The following ATG3 variants were observed in gnomAD, a reference collection of about 807,000 sequenced individuals.
The protein encoded by ATG3 is ubiquitin-like-conjugating enzyme ATG3.
Under a neutral mutation model 50.7 loss-of-function variants are expected in ATG3, and 25 were observed. The observed-to-expected ratio is 0.49, with a 90% CI of 0.36 to 0.69. ATG3 has a LOEUF of 0.69. Ranked by LOEUF, ATG3 falls within the 30% of genes least tolerant of loss-of-function variation. The pLI is 0.00. For synonymous variants in ATG3, 119 were observed against 125.5 expected, an observed-to-expected ratio of 0.95 and a Z score of 0.34; for missense variants, 281 against 376.0, an observed-to-expected ratio of 0.75 and a Z score of 2.09.
intron 5 of ATG3, among the ~76,000 whole-genome samples, chr3:112,547,714 A>G (rs2107380540): frequency 6.6e-6 from 1 of 152,368 alleles, no homozygotes; most frequent in East Asian, 1.9e-4. Context: ...TTACTGAACA[A>G]CTTCTACATC....
intron 1 of ATG3, 99 bp from the exon 2 acceptor site, chr3:112,558,516 A>G: frequency 1.1e-6 from 1 of 914,610 alleles, no homozygotes; most frequent in South Asian, 1.4e-5. Flanking sequence ...TCTAGGCAAT[A>G]GAGCACATAC....
At position 112,533,701 on chromosome 3, in the gene ATG3, C is replaced by A. The variant is rs1318515668; in HGVS notation, c.863+568G>T. ...GCTATGAGTACATGTACTTTAGGAT[C>A]CAACAGTTTGCTTGGGCATTAACTT... is the stretch of plus-strand genomic sequence containing the variant. On this transcript the variant is annotated intron_variant, in intron 11 of 11. Coordinates refer to ENST00000283290, the MANE Select transcript of ATG3 (RefSeq NM_022488.5). 3.3e-5 allele frequency: 33 copies of A among 985,162 alleles called. No individual in the cohort carries two copies. In the Admixed American group the frequency reaches 4.3e-4, roughly 13 times the overall value. The allele number at this position is 985,162 out of a possible 1,614,324, so 61.0% of individuals were successfully genotyped here.
At position 112,561,724 on chromosome 3, in the gene ATG3, G is replaced by A. The variant is rs1933896289; in HGVS notation, c.-196C>T. 1.7e-6 allele frequency: 1 copy of A among 588,084 alleles called. No individual in the cohort carries two copies. The highest frequency in any genetic ancestry group is 2.9e-6 in the Non-Finnish European group (1 of 345,664). 36.4% of individuals were successfully genotyped at this position (588,084 alleles called of 1,614,324 possible). ...GGCGGCAGGCACAGCGCGCGAAGAC[G>A]GGGTGCGCGATCCTCGCACCCCAGG... On this transcript the variant is annotated 5_prime_UTR_variant, in exon 1 of 12. Coordinates refer to ENST00000283290, the MANE Select transcript of ATG3 (RefSeq NM_022488.5).
At chr3:112,535,323 A>T (rs1471531651) in intron 10 of ATG3, 4 of 152,126 alleles carry the variant, frequency 2.6e-5, no homozygotes, top group Non-Finnish European at 5.9e-5. Flanking sequence ...TTGAAGTTTT[A>T]TTTTATAGGC....
chr3:112,546,811 A>G (rs539724485), intron 5 of ATG3, among the ~76,000 whole-genome samples: 69 of 152,322 alleles, frequency 4.5e-4, no homozygotes, highest in African/African-American at 1.4e-3. Context: ...AAAGCAGAAG[A>G]GTTAAAAGAC....
intron 3 of ATG3, among the ~76,000 whole-genome samples, chr3:112,552,314 A>C (rs1351455835): frequency 6.6e-6 from 1 of 152,166 alleles, no homozygotes; most frequent in Admixed American, 6.5e-5. Context: ...GAAGTAATAA[A>C]ACACTGTTAT....
At chr3:112,534,770 G>A (rs529865148) in intron 10 of ATG3, 2 of 41,254 alleles carry the variant, frequency 4.8e-5, no homozygotes, top group South Asian at 2.8e-3. Context: ...GTCATATCAG[G>A]CAAATTAAAA....
At chr3:112,557,386 G>A (rs1282311270) in intron 2 of ATG3, among the ~76,000 whole-genome samples, 1 of 151,644 alleles carries the variant, frequency 6.6e-6, no homozygotes, top group Non-Finnish European at 1.5e-5. Context: ...CTGTAATCCC[G>A]AGGCAGGCGG....
At chr3:112,548,478 G>A in intron 5 of ATG3, 55 bp downstream of exon 5, 1 of 1,392,886 alleles carries the variant, frequency 7.2e-7, no homozygotes, top group South Asian at 1.2e-5. Flanking sequence ...TATTATAAAA[G>A]ATTGTGAAAG....
chr3:112,536,531 G>T lies in ATG3; in HGVS notation c.738C>A (p.Thr246=), dbSNP rs752830026. The T allele has an allele frequency of 1.9e-6, 3 of 1,613,904 alleles. No individual in the cohort carries two copies. In the East Asian group the frequency reaches 6.7e-5, roughly 36 times the overall value. ...ISQDHVKKTV[T]IENHPHLPPP... ...GTGGCAGATGAGGGTGATTTTCAATGGTCACTGTTTTCTTCACATGATCCT... is the reference window on the plus strand; with the variant it reads ...GTGGCAGATGAGGGTGATTTTCAATTGTCACTGTTTTCTTCACATGATCCT... The change falls in exon 10 of 12, where the codon ACC becomes ACA. Residue 246 remains threonine (T), a synonymous_variant. Coordinates refer to ENST00000283290, the MANE Select transcript of ATG3 (RefSeq NM_022488.5).
rs1234028217 is a variant in ATG3 at position 112,561,437 on chromosome 3, G to T, written c.72+20C>A. 4 of 1,611,710 alleles carry T rather than the reference G, an allele frequency of 2.5e-6. No individual in the cohort carries two copies. The South Asian group carries it at 3.3e-5, about 13-fold the overall frequency. On this transcript the variant is annotated intron_variant, in intron 1 of 11. Transcript: ENST00000283290. Reference sequence around the variant, plus strand: ...TCGAGCATGTGCCTGACAGCTCCCGGCAACCCTGGCCTGGCTTACCTTGAG... The same window carrying T: ...TCGAGCATGTGCCTGACAGCTCCCGTCAACCCTGGCCTGGCTTACCTTGAG...
chr3:112,532,897 T>A, intron 11 of ATG3, 117 bp from the exon 12 acceptor site: 1 of 1,323,938 alleles, frequency 7.6e-7, no homozygotes, highest in Non-Finnish European at 9.6e-7. Context: ...CACAAAATCT[T>A]AAATTAAGTC....
chr3:112,544,000 G>A, intron 6 of ATG3, 57 bp downstream of exon 6: 1 of 1,310,340 alleles, frequency 7.6e-7, no homozygotes, highest in East Asian at 2.3e-5. Context: ...TGTATAGATA[G>A]ATAGATAGGC....
At chr3:112,544,140 A>C in intron 5 of ATG3, 34 bp from the exon 6 acceptor site, 1 of 1,523,792 alleles carries the variant, frequency 6.6e-7, no homozygotes, top group Non-Finnish European at 9.1e-7. Flanking sequence ...AATAACTAAA[A>C]TTAAACTGTA....
At chr3:112,548,750 T>TGA (rs1933442591) in intron 4 of ATG3, 110 bp from the exon 5 acceptor site, 1 of 817,280 alleles carries the variant, frequency 1.2e-6, no homozygotes, top group South Asian at 1.6e-5. Context: ...ACCACCAAAG[T>TGA]ACTAAGTGAA....
chr3:112,539,050 A>G (rs1933153540), intron 7 of ATG3, among the ~76,000 whole-genome samples: 1 of 152,150 alleles, frequency 6.6e-6, no homozygotes, highest in Non-Finnish European at 1.5e-5. Flanking sequence ...CTTTGGCTCA[A>G]CCCTCAAAGT....
intron 5 of ATG3, among the ~76,000 whole-genome samples, chr3:112,546,301 C>T (rs963086570): frequency 2.0e-5 from 3 of 152,162 alleles, no homozygotes; most frequent in Non-Finnish European, 1.5e-5. Context: ...ACCCTACCTA[C>T]GCTGTACATG....
chr3:112,539,177 T>C (rs1933156961), intron 7 of ATG3, among the ~76,000 whole-genome samples: 1 of 152,204 alleles, frequency 6.6e-6, no homozygotes, highest in South Asian at 2.1e-4. Flanking sequence ...CCCTTCAGTC[T>C]ATTCTCACCA....
chr3:112,539,059 G>A (rs1576715328), intron 7 of ATG3, among the ~76,000 whole-genome samples: 1 of 152,106 alleles, frequency 6.6e-6, no homozygotes. Context: ...AACCCTCAAA[G>A]TATTCCAGCA....
Sources: gnomAD v4.1 joint callset for allele counts (sites outside exome capture counted in the v4.1 genomes callset) on GRCh38, gnomAD v4.1.1 for gene constraint, MANE v1.5 for transcripts, NCBI Gene and HGNC (gene_info 2026-07-23, HGNC 2026-07-21) for gene names.